Variants in UPB1 observed in about 807,000 individuals in gnomAD.
UPB1 encodes beta-ureidopropionase 1, also known as beta-ureidopropionase.
A neutral mutation model predicts 49.1 loss-of-function variants in UPB1; 40 were observed. That is an observed-to-expected ratio of 0.81 (90% confidence interval 0.63 to 1.06). The LOEUF (loss-of-function observed/expected upper bound fraction) is 1.06. UPB1 is among the 50% of genes least tolerant of loss of function. The pLI is 0.00. For synonymous variants in UPB1, 207 were observed against 198.2 expected, an observed-to-expected ratio of 1.04 and a Z score of -0.38; for missense variants, 499 against 505.9, an observed-to-expected ratio of 0.99 and a Z score of 0.13.
chr22:24,502,833 C>G (rs969557732), intron 3 of UPB1: 2 of 362,394 alleles, frequency 5.5e-6, no homozygotes, highest in African/African-American at 4.1e-5. Context: ...TTGCCTCCTC[C>G]TGGCCCTTCG....
intron 3 of UPB1, among the ~76,000 whole-genome samples, chr22:24,505,953 T>TC: frequency 6.6e-6 from 1 of 151,430 alleles, no homozygotes; most frequent in South Asian, 2.1e-4. Context: ...CCTCAGGTGA[T>TC]CCACCCACCT....
intron 1 of UPB1, among the ~76,000 whole-genome samples, chr22:24,498,692 A>G (rs2043935172): frequency 6.6e-6 from 1 of 152,002 alleles, no homozygotes; most frequent in African/African-American, 2.4e-5. Context: ...GAGGAGAGAG[A>G]CTTCAGCCAG....
chr22:24,514,383 T>C (rs1234282185), intron 5 of UPB1, among the ~76,000 whole-genome samples: 2 of 152,204 alleles, frequency 1.3e-5, no homozygotes, highest in Admixed American at 6.5e-5. Flanking sequence ...TCCCTGCAGA[T>C]AGCACAGGGC....
chr22:24,504,496 G>C (rs1402210098), intron 3 of UPB1, among the ~76,000 whole-genome samples: 1 of 151,992 alleles, frequency 6.6e-6, no homozygotes, highest in African/African-American at 2.4e-5. Flanking sequence ...TTTTTCACCA[G>C]TACTCTACAA....
intron 7 of UPB1, 131 bp downstream of exon 7, chr22:24,520,599 T>C: frequency 9.9e-7 from 1 of 1,009,496 alleles, no homozygotes; most frequent in Non-Finnish European, 1.5e-6. Context: ...GGTCCGTTAC[T>C]TTTCAAGATA....
At chr22:24,509,346 A>T (rs544856521) in intron 3 of UPB1, among the ~76,000 whole-genome samples, 1 of 122,608 alleles carries the variant, frequency 8.2e-6, no homozygotes, top group East Asian at 2.7e-4. Context: ...ATCTGTGTGT[A>T]TGTACCTACT....
chr22:24,514,318 G>A (rs1282517842), intron 5 of UPB1, among the ~76,000 whole-genome samples: 1 of 152,120 alleles, frequency 6.6e-6, no homozygotes, highest in African/African-American at 2.4e-5. Flanking sequence ...AACAGCTGGA[G>A]GTGGGGGTGG....
At chr22:24,514,827 A>G (rs1346500560) in intron 5 of UPB1, among the ~76,000 whole-genome samples, 1 of 152,140 alleles carries the variant, frequency 6.6e-6, no homozygotes, top group Non-Finnish European at 1.5e-5. Context: ...GTTCTATATA[A>G]TGACATGTGA....
chr22:24,499,875 ACT>A (rs1351967280), intron 1 of UPB1, among the ~76,000 whole-genome samples: 1 of 151,916 alleles, frequency 6.6e-6, no homozygotes, highest in Non-Finnish European at 1.5e-5. Flanking sequence ...AACCGTGCTG[ACT>A]CTGCTGAGGT....
intron 6 of UPB1, chr22:24,520,159 G>A: frequency 3.4e-6 from 2 of 592,048 alleles, no homozygotes; most frequent in Non-Finnish European, 6.0e-6. Context: ...GGCTGTTCAG[G>A]CCAGGGCAAG....
intron 6 of UPB1, among the ~76,000 whole-genome samples, chr22:24,517,558 G>A (rs1479445940): frequency 6.6e-6 from 1 of 152,222 alleles, no homozygotes; most frequent in African/African-American, 2.4e-5. Flanking sequence ...CTCGCCTTGT[G>A]TGTGCAGAGG....
chr22:24,499,355 C>A (rs908971196), intron 1 of UPB1, among the ~76,000 whole-genome samples: 1 of 152,204 alleles, frequency 6.6e-6, no homozygotes, highest in African/African-American at 2.4e-5. Flanking sequence ...GGCCGTGTCC[C>A]ATCCCATGCC....
rs764546743 is a variant in UPB1, at chr22:24,511,598, T to TTA, written c.459+775_459+776dup. Among the ~76,000 whole-genome samples, 1,208 of 136,542 alleles carry TTA rather than the reference T, an allele frequency of 8.8e-3. 22 individuals are homozygous for TTA. Among genetic ancestry groups the TTA allele is most frequent in the African/African-American group, 0.027 (981 of 36,374 alleles). The allele number at this position is 136,542 out of a possible 152,430, so 89.6% of individuals were successfully genotyped here. ...TAAAGTGAATCTTATGCTCTGTGAA[T>TTA]TATATATATATATATATATATTTTT... On this transcript the variant is annotated intron_variant, in intron 4 of 9. Transcript: ENST00000326010.
intron 3 of UPB1, among the ~76,000 whole-genome samples, chr22:24,509,413 C>T (rs546312766): frequency 2.2e-4 from 29 of 131,378 alleles, no homozygotes; most frequent in Middle Eastern, 4.9e-3. Context: ...ACCAATGAGT[C>T]GAATGAAATT....
intron 3 of UPB1, among the ~76,000 whole-genome samples, chr22:24,509,906 C>G (rs972897913): frequency 6.6e-6 from 1 of 152,180 alleles, no homozygotes; most frequent in African/African-American, 2.4e-5. Context: ...CTTCTGGCCT[C>G]TGACAGCTAT....
At chr22:24,497,627 G>A (rs1568977775) in intron 1 of UPB1, among the ~76,000 whole-genome samples, 1 of 152,192 alleles carries the variant, frequency 6.6e-6, no homozygotes, top group African/African-American at 2.4e-5. Context: ...TCAGTAGCAG[G>A]GTGAGGGGTA....
In UPB1 at chr22:24,520,468, C is replaced by A. The variant is rs745312176; in HGVS notation, c.873C>A (p.Thr291=). Residue 291 remains threonine, a splice_region_variant and synonymous_variant, in exon 7 of 10, where the codon ACC becomes ACA. Coordinates refer to ENST00000326010, the MANE Select transcript of UPB1 (RefSeq NM_016327.3). ...CFTCAINRVG[T]EHFPNEFTSG... ...CCTGCGCCATCAATCGAGTGGGCAC[C>A]GTAAGTCCCGAGGTCTGGCTGGGGA... 4.1e-5 allele frequency: 66 copies of A among 1,613,646 alleles called. No homozygotes were observed. Among genetic ancestry groups the A allele is most frequent in the Non-Finnish European group, 5.0e-5 (59 of 1,179,928 alleles).
chr22:24,519,283 T>C (rs2044347464), intron 6 of UPB1, among the ~76,000 whole-genome samples: 1 of 152,110 alleles, frequency 6.6e-6, no homozygotes, highest in African/African-American at 2.4e-5. Flanking sequence ...CCCCTCCACC[T>C]ACTCCCTGGT....
intron 1 of UPB1, among the ~76,000 whole-genome samples, chr22:24,495,931 T>G (rs1325435952): frequency 6.6e-6 from 1 of 152,150 alleles, no homozygotes; most frequent in Non-Finnish European, 1.5e-5. Context: ...GGCTGACCCT[T>G]GGAAATAGAG....
Sources: gnomAD v4.1 joint callset for allele counts (sites outside exome capture counted in the v4.1 genomes callset) on GRCh38, gnomAD v4.1.1 for gene constraint, MANE v1.5 for transcripts, NCBI Gene and HGNC (gene_info 2026-07-23, HGNC 2026-07-21) for gene names.